KLF12: variants seen among roughly 807,000 people sequenced by gnomAD.
KLF12 encodes Krueppel-like factor 12.
KLF12 carries 9 observed loss-of-function variants against 37.8 expected under a neutral mutation model. The observed-to-expected ratio is 0.24, with a 90% CI of 0.14 to 0.42. The LOEUF (loss-of-function observed/expected upper bound fraction) is 0.42, where lower values mean the gene tolerates loss of function less well. Among genes scored for constraint, KLF12 ranks in the 10% least tolerant of loss-of-function variants. The pLI is 1.00. For missense variants in KLF12, 411 were observed against 516.0 expected (o/e 0.80, Z 1.97); for synonymous variants, 208 against 202.1 (o/e 1.03, Z -0.25).
chr13:74,265,599 G>C, the KLF12 span, among the ~76,000 whole-genome samples: 1 of 152,198 alleles, frequency 6.6e-6, no homozygotes, highest in African/African-American at 2.4e-5. Flanking sequence ...GAATGGCACT[G>C]TGGTTCAATG....
At chr13:74,095,513 C>G (rs1406975159) in intron 1 of KLF12, among the ~76,000 whole-genome samples, 1 of 152,060 alleles carries the variant, frequency 6.6e-6, no homozygotes, top group Non-Finnish European at 1.5e-5. Flanking sequence ...CTCAGCCTCC[C>G]AAATAGCTGG....
the KLF12 span, among the ~76,000 whole-genome samples, chr13:74,287,389 A>AGAGAGAGAGAGAGG: frequency 1.7e-4 from 26 of 150,644 alleles, no homozygotes; most frequent in African/African-American, 6.4e-4. Context: ...AGAGAGAGAG[A>AGAGAGAGAGAGAGG]GAGAGAATCC....
intron 1 of KLF12, among the ~76,000 whole-genome samples, chr13:74,123,480 T>C (rs987094952): frequency 6.6e-6 from 1 of 152,230 alleles, no homozygotes; most frequent in Non-Finnish European, 1.5e-5. Context: ...CTGCCTACAT[T>C]GTAGGACAAA....
chr13:74,174,306 T>C, the KLF12 span, among the ~76,000 whole-genome samples: 3 of 151,938 alleles, frequency 2.0e-5, no homozygotes, highest in South Asian at 2.1e-4. Flanking sequence ...TGGTACAGTC[T>C]TAGTCCTTTT....
In KLF12 at chr13:73,786,716, C is replaced by T. The variant is rs947266132; in HGVS notation, c.807-21716G>A. Among the ~76,000 whole-genome samples the T allele has an allele frequency of 6.8e-5, 10 of 146,488 alleles. No individual in the cohort carries two copies. The South Asian group carries it at 1.5e-3, about 22-fold the overall frequency. On this transcript the variant is annotated intron_variant, in intron 5 of 7. Transcript: ENST00000377669. Reference sequence around the variant, plus strand: ...TGGGCAACATGGAAAAACCCCACCCCTACTATGCAAAAAATACGAAAAAAA... The same window carrying T: ...TGGGCAACATGGAAAAACCCCACCCTTACTATGCAAAAAATACGAAAAAAA...
At chr13:74,042,202 G>A (rs1158824890) in intron 1 of KLF12, among the ~76,000 whole-genome samples, 1 of 151,524 alleles carries the variant, frequency 6.6e-6, no homozygotes, top group Non-Finnish European at 1.5e-5. Context: ...TACTCAGGAG[G>A]ATGAGGCAGG....
chr13:74,250,360 A>G, the KLF12 span, among the ~76,000 whole-genome samples: 2 of 152,214 alleles, frequency 1.3e-5, no homozygotes, highest in African/African-American at 2.4e-5. Context: ...GAAATCATGC[A>G]AAAGGTCTTT....
At chr13:73,801,090 T>A (rs1336554526) in intron 5 of KLF12, 7 of 152,106 alleles carry the variant, frequency 4.6e-5, no homozygotes, top group Admixed American at 2.6e-4. Context: ...TGAGATAAGA[T>A]TCACTCTTAC....
the KLF12 span, among the ~76,000 whole-genome samples, chr13:74,222,807 G>A: frequency 6.6e-6 from 1 of 152,158 alleles, no homozygotes; most frequent in Non-Finnish European, 1.5e-5. Flanking sequence ...GAACAATAAT[G>A]TTATTTCATG....
At chr13:73,762,064 G>A (rs1483131859) in intron 6 of KLF12, among the ~76,000 whole-genome samples, 1 of 152,244 alleles carries the variant, frequency 6.6e-6, no homozygotes, top group East Asian at 1.9e-4. Flanking sequence ...ACAATGATCT[G>A]GTATTTGTTA....
Position 73,975,190 on chromosome 13 carries a change from T to A in KLF12, c.33+19800A>T, listed in dbSNP as rs1182612345. Among the ~76,000 whole-genome samples, 3 of 152,242 alleles carry A rather than the reference T, an allele frequency of 2.0e-5. No individual in the cohort carries two copies. In the East Asian group the frequency reaches 5.8e-4, roughly 29 times the overall value. On this transcript the variant is annotated intron_variant, in intron 2 of 7. Transcript: ENST00000377669. The stretch of plus-strand genomic sequence containing the variant: ...GCTTTTTTCAGCTCTTTTCTGCCTA[T>A]AAGGCCAATCTCTGCTCAGCTCGAG...
intron 4 of KLF12, among the ~76,000 whole-genome samples, chr13:73,836,255 C>G (rs906717119): frequency 2.0e-5 from 3 of 151,998 alleles, no homozygotes; most frequent in African/African-American, 7.2e-5. Context: ...CCCAGTTAAT[C>G]AAATTTCCCC....
At chr13:74,001,176 T>C (rs1432121273) in intron 1 of KLF12, among the ~76,000 whole-genome samples, 1 of 152,180 alleles carries the variant, frequency 6.6e-6, no homozygotes, top group African/African-American at 2.4e-5. Flanking sequence ...CTTAATCCCA[T>C]CTATCAGGAG....
chr13:73,981,666 T>C (rs1029417299), intron 2 of KLF12, among the ~76,000 whole-genome samples: 1 of 152,212 alleles, frequency 6.6e-6, no homozygotes, highest in African/African-American at 2.4e-5. Context: ...ACTGTCTGAA[T>C]GTGTCCCTCC....
At chr13:73,775,967 G>A (rs909187018) in intron 5 of KLF12, among the ~76,000 whole-genome samples, 7 of 152,132 alleles carry the variant, frequency 4.6e-5, no homozygotes, top group African/African-American at 1.4e-4. Flanking sequence ...ATTTTACGTC[G>A]TTTGGTTCAC....
At chr13:74,071,770 A>C (rs1398436788) in intron 1 of KLF12, among the ~76,000 whole-genome samples, 2 of 152,236 alleles carry the variant, frequency 1.3e-5, no homozygotes, top group African/African-American at 4.8e-5. Flanking sequence ...AAAGAAATTA[A>C]GATACGAGTG....
At chr13:74,254,916 CA>C in the KLF12 span, among the ~76,000 whole-genome samples, 3 of 152,038 alleles carry the variant, frequency 2.0e-5, no homozygotes, top group Admixed American at 2.0e-4. Flanking sequence ...GTGAGGTGGC[CA>C]TAAATGGACC....
chr13:74,051,561 G>A (rs1040887973), intron 1 of KLF12, among the ~76,000 whole-genome samples: 2 of 151,980 alleles, frequency 1.3e-5, no homozygotes, highest in African/African-American at 4.8e-5. Flanking sequence ...TGTCTTCCTG[G>A]TACTAGTAAG....
chr13:73,697,925 G>A (rs1874264526), intron 7 of KLF12, among the ~76,000 whole-genome samples: 1 of 152,116 alleles, frequency 6.6e-6, no homozygotes, highest in African/African-American at 2.4e-5. Flanking sequence ...GGCCGAGGTG[G>A]GAGAATCACT....
Sources: gnomAD v4.1 joint callset for allele counts (sites outside exome capture counted in the v4.1 genomes callset) on GRCh38, gnomAD v4.1.1 for gene constraint, MANE v1.5 for transcripts, NCBI Gene and HGNC (gene_info 2026-07-23, HGNC 2026-07-21) for gene names.